The following FER1L6 variants were observed in gnomAD, a reference collection of about 807,000 sequenced individuals.
FER1L6 encodes the protein fer-1-like protein 6.
Under a neutral mutation model 219.2 loss-of-function variants are expected in FER1L6, and 177 were observed. The observed-to-expected ratio is 0.81, with a 90% CI of 0.71 to 0.91. FER1L6 has a LOEUF of 0.91. Among genes scored for constraint, FER1L6 ranks in the 40% least tolerant of loss-of-function variants. FER1L6 has a pLI of 0.00. For synonymous variants in FER1L6, 768 were observed against 824.3 expected (o/e 0.93, Z 1.17); for missense variants, 2,153 against 2,259.9 (o/e 0.95, Z 0.96).
intron 11 of FER1L6, among the ~76,000 whole-genome samples, chr8:123,983,661 G>C (rs1816424064): frequency 6.6e-6 from 1 of 152,090 alleles, no homozygotes; most frequent in African/African-American, 2.4e-5. Context: ...TTGGCCTCTG[G>C]GGAAACATTG....
intron 17 of FER1L6, among the ~76,000 whole-genome samples, chr8:124,022,072 C>T (rs2130634194): frequency 6.6e-6 from 1 of 152,328 alleles, no homozygotes; most frequent in East Asian, 1.9e-4. Context: ...TAAAAACGGC[C>T]CTCATATTTG....
intron 20 of FER1L6, among the ~76,000 whole-genome samples, chr8:124,043,761 C>T (rs920172690): frequency 6.6e-6 from 1 of 152,210 alleles, no homozygotes; most frequent in African/African-American, 2.4e-5. Context: ...TTTTTATGCT[C>T]AGTCACTGAA....
At chr8:124,115,388 C>T (rs1823201705) in intron 39 of FER1L6, among the ~76,000 whole-genome samples, 1 of 152,068 alleles carries the variant, frequency 6.6e-6, no homozygotes, top group Non-Finnish European at 1.5e-5. Context: ...AAACACCTTT[C>T]CCCTGCAGCC....
intron 1 of FER1L6, among the ~76,000 whole-genome samples, chr8:123,873,132 A>G (rs548422139): frequency 2.3e-4 from 35 of 152,144 alleles, no homozygotes; most frequent in African/African-American, 8.0e-4. Context: ...AACACTCACA[A>G]TCTTAGAACC....
chr8:124,031,204 A>G (rs1274507362), intron 18 of FER1L6, among the ~76,000 whole-genome samples: 1 of 152,086 alleles, frequency 6.6e-6, no homozygotes, highest in Non-Finnish European at 1.5e-5. Context: ...TGAAAAATCA[A>G]TTCACAAAAG....
Position 123,852,514 on chromosome 8 carries a change from T to C in FER1L6, c.-8+329T>C, listed in dbSNP as rs1447530976. 8.3e-6 allele frequency among the ~76,000 whole-genome samples: 1 copy of C among 119,888 alleles called. No homozygotes were observed. The highest frequency in any genetic ancestry group is 2.7e-4 in the South Asian group (1 of 3,764). The allele number at this position is 119,888 out of a possible 152,430, so 78.7% of individuals were successfully genotyped here. A position where few individuals can be genotyped will look rare whatever the true frequency, so the allele number is the denominator to read the frequency against. The stretch of plus-strand genomic sequence containing the variant: ...TGTGTGTGTGTGTGTGTGTGTGTGT[T>C]TGACAGAGACAGAGGGAGGAGAAAG... On this transcript the variant is annotated intron_variant, in intron 1 of 40. Coordinates refer to ENST00000522917, the MANE Select transcript of FER1L6 (RefSeq NM_001039112.2). This position sits in a 1 kb window ranked among gnomAD's most constrained non-coding sequence, Gnocchi z 4.9.
At chr8:124,082,940 CTCT>C (rs1821623012) in intron 33 of FER1L6, among the ~76,000 whole-genome samples, 1 of 152,016 alleles carries the variant, frequency 6.6e-6, no homozygotes, top group Non-Finnish European at 1.5e-5. Context: ...CCAACTTTCA[CTCT>C]TTTTTCAAAT....
At chr8:123,939,976 AG>A (rs940700379) in intron 1 of FER1L6, among the ~76,000 whole-genome samples, 31 of 152,340 alleles carry the variant, frequency 2.0e-4, no homozygotes, top group African/African-American at 7.5e-4. Context: ...GGGTGGCTAA[AG>A]GCTTTTCAAG....
At chr8:123,921,979 A>G (rs140436131) in intron 1 of FER1L6, among the ~76,000 whole-genome samples, 2 of 152,328 alleles carry the variant, frequency 1.3e-5, no homozygotes, top group East Asian at 3.9e-4. Flanking sequence ...GGGCTGGGCC[A>G]AGCAGCAGCA....
chr8:124,086,439 TAAAC>T (rs1004643794), intron 33 of FER1L6, among the ~76,000 whole-genome samples: 2 of 150,224 alleles, frequency 1.3e-5, no homozygotes, highest in African/African-American at 2.5e-5. Context: ...ACTAACTGCA[TAAAC>T]AAACAAAAAA....
chr8:123,997,167 C>G (rs1021418204), intron 12 of FER1L6, among the ~76,000 whole-genome samples: 4 of 152,132 alleles, frequency 2.6e-5, no homozygotes, highest in African/African-American at 7.2e-5. Flanking sequence ...TGAAAAACTT[C>G]CTTTAGCATG....
chr8:124,013,680 G>T (rs566433328), intron 15 of FER1L6, 149 bp downstream of exon 15: 2 of 472,004 alleles, frequency 4.2e-6, no homozygotes, highest in Non-Finnish European at 7.5e-6. Flanking sequence ...AATTTCACTC[G>T]TGCTTGTGGA....
chr8:123,885,140 C>G (rs1366595843), intron 1 of FER1L6, among the ~76,000 whole-genome samples: 1 of 152,148 alleles, frequency 6.6e-6, no homozygotes, highest in Non-Finnish European at 1.5e-5. Context: ...CATCCTTGAG[C>G]CTTCAGAGGA....
intron 22 of FER1L6, among the ~76,000 whole-genome samples, chr8:124,059,666 T>C (rs1820470567): frequency 6.6e-6 from 1 of 152,228 alleles, no homozygotes; most frequent in African/African-American, 2.4e-5. Flanking sequence ...CATTTTCTGC[T>C]TCACTGATTA....
At chr8:124,056,739 C>A (rs1408763003) in intron 22 of FER1L6, among the ~76,000 whole-genome samples, 19 of 152,122 alleles carry the variant, frequency 1.2e-4, no homozygotes, top group Admixed American at 1.2e-3. Context: ...GCAGGCTGAT[C>A]CTTACATATT....
chr8:124,094,418 C>T (rs1254593748), intron 34 of FER1L6, among the ~76,000 whole-genome samples: 1 of 152,000 alleles, frequency 6.6e-6, no homozygotes, highest in Non-Finnish European at 1.5e-5. Context: ...TCCCTTCTAT[C>T]TCTCCACCTC....
rs184848583 is a variant in FER1L6, at chr8:123,887,074, G to C, written c.-8+34889G>C. On this transcript the variant is annotated intron_variant, in intron 1 of 40. Coordinates refer to ENST00000522917, the MANE Select transcript of FER1L6 (RefSeq NM_001039112.2). ...TCGCATCCATACAATGAGACACCAG[G>C]CTGTGATTCATCAGATTGCTTCCTT... Among the ~76,000 whole-genome samples the C allele has an allele frequency of 1.2e-3, 183 of 152,212 alleles. 1 individual carries two copies. The highest frequency in any genetic ancestry group is 2.2e-3 in the Non-Finnish European group (147 of 68,016).
intron 32 of FER1L6, among the ~76,000 whole-genome samples, chr8:124,077,753 G>A (rs1310654524): frequency 3.9e-5 from 6 of 152,210 alleles, no homozygotes; most frequent in Admixed American, 2.0e-4. Context: ...TCCTGCCTCT[G>A]ACATTGCAGC....
chr8:124,093,226 C>A (rs1315111137), intron 34 of FER1L6, among the ~76,000 whole-genome samples: 1 of 151,994 alleles, frequency 6.6e-6, no homozygotes, highest in African/African-American at 2.4e-5. Flanking sequence ...CCCCCATGAT[C>A]CAGTCACCTT....
Sources: gnomAD v4.1 joint callset for allele counts (sites outside exome capture counted in the v4.1 genomes callset) on GRCh38, gnomAD v4.1.1 for gene constraint, Gnocchi (gnomAD v3.1) non-coding constraint, MANE v1.5 for transcripts, NCBI Gene and HGNC (gene_info 2026-07-23, HGNC 2026-07-21) for gene names.